The following AP1G1 variants were observed in gnomAD, a reference collection of about 807,000 sequenced individuals.
AP1G1 encodes adaptor related protein complex 1 subunit gamma 1, also known as AP-1 complex subunit gamma-1.
In AP1G1, 7 loss-of-function variants were observed where a neutral mutation model predicts 108.3. The ratio of observed to expected loss-of-function variants is 0.06; its 90% CI spans 0.04 to 0.12. AP1G1 has a LOEUF of 0.12. Among genes scored for constraint, AP1G1 ranks in the 10% least tolerant of loss-of-function variants. The probability of loss-of-function intolerance (pLI) is 1.00; values close to 1 mark genes in which losing one functional copy is unlikely to be tolerated. For missense variants in AP1G1, 756 were observed against 1,010.7 expected (o/e 0.75, Z 3.42); for synonymous variants, 379 against 353.5 (o/e 1.07, Z -0.81).
chr16:71,732,449 T>C lies in AP1G1; in HGVS notation c.*609A>G, dbSNP rs2045483649. The C allele has an allele frequency of 6.6e-6, 1 of 152,596 alleles. No homozygotes were observed. The highest frequency in any genetic ancestry group is 6.5e-5 in the Admixed American group (1 of 15,308). The allele number at this position is 152,596 out of a possible 1,614,324, so 9.5% of individuals were successfully genotyped here. The stretch of plus-strand genomic sequence containing the variant: ...TTGGTAACAAACATACATGTGTGTG[T>C]CTGTGTGTATACAGCAATGCACAGA... On this transcript the variant is annotated 3_prime_UTR_variant, in exon 23 of 23. Coordinates refer to ENST00000299980, the MANE Select transcript of AP1G1 (RefSeq NM_001128.6).
rs2145535604 is a variant in AP1G1, at chr16:71,793,299, C to A, written c.-3-3817G>T. Among the ~76,000 whole-genome samples the A allele has an allele frequency of 2.6e-5, 4 of 152,258 alleles. No homozygotes were observed. In the South Asian group the frequency reaches 8.3e-4, roughly 32 times the overall value. On this transcript the variant is annotated intron_variant, in intron 1 of 22. Coordinates refer to ENST00000299980, the MANE Select transcript of AP1G1 (RefSeq NM_001128.6). ...ATCCAAAAACACATTTTTATTATCT[C>A]AAGCAGCCAATATAGAGAGTGACAC... is the stretch of plus-strand genomic sequence containing the variant.
chr16:71,774,731 T>G, intron 2 of AP1G1, 139 bp from the exon 3 acceptor site: 2 of 970,830 alleles, frequency 2.1e-6, no homozygotes, highest in Middle Eastern at 6.0e-4. Context: ...AATCTTTTCT[T>G]TTTTTTGAGA....
chr16:71,746,688 T>C lies in AP1G1; in HGVS notation c.1630A>G (p.Ile544Val). Residue 544 changes from isoleucine (I) to valine (V), a missense_variant, in exon 17 of 23, where the codon ATT (isoleucine) becomes GTT (valine). This residue lies in a region of AP1G1 where 357 missense variants were observed against 366.5 expected (regional missense o/e 0.97). Coordinates refer to ENST00000299980, the MANE Select transcript of AP1G1 (RefSeq NM_001128.6). Reference protein sequence around the residue: ...STRFTCTVNRIKKVVSIYGSS... With the variant: ...STRFTCTVNRVKKVVSIYGSS... ...CCGTAGATGGAAACCACTTTCTTAA[T>C]TCGGCTATAGATAAAATGACAAACG... 1 of 1,609,336 alleles carries C rather than the reference T, an allele frequency of 6.2e-7. No homozygotes were observed. Among genetic ancestry groups the C allele is most frequent in the Non-Finnish European group, 8.5e-7 (1 of 1,177,242 alleles).
At chr16:71,781,580 A>G (rs1394437729) in intron 2 of AP1G1, among the ~76,000 whole-genome samples, 1 of 152,172 alleles carries the variant, frequency 6.6e-6, no homozygotes, top group Non-Finnish European at 1.5e-5. Flanking sequence ...GGTGGTTTTA[A>G]ATGTTTTAAA....
intron 1 of AP1G1, among the ~76,000 whole-genome samples, chr16:71,802,971 T>C (rs1567666759): frequency 6.6e-6 from 1 of 152,054 alleles, no homozygotes; most frequent in African/African-American, 2.4e-5. Flanking sequence ...TCCCAGCACT[T>C]TGGGAGGCTG....
chr16:71,794,749 T>C (rs1185455957), intron 1 of AP1G1, among the ~76,000 whole-genome samples: 2 of 150,786 alleles, frequency 1.3e-5, no homozygotes. Context: ...ATGGTGAAGA[T>C]GGCTATTTTC....
chr16:71,760,969 C>G (rs2031057964), intron 10 of AP1G1, among the ~76,000 whole-genome samples: 1 of 152,122 alleles, frequency 6.6e-6, no homozygotes, highest in African/African-American at 2.4e-5. Context: ...AATTCATTTA[C>G]CTAAAAAACT....
intron 16 of AP1G1, 63 bp from the exon 17 acceptor site, chr16:71,746,755 A>T (rs963949473): frequency 7.6e-5 from 96 of 1,257,978 alleles, no homozygotes; most frequent in Non-Finnish European, 9.9e-5. Flanking sequence ...AAGCAGAGAT[A>T]ATGTTTAATA....
chr16:71,784,386 C>G (rs913253493), intron 2 of AP1G1, among the ~76,000 whole-genome samples: 1 of 152,168 alleles, frequency 6.6e-6, no homozygotes, highest in East Asian at 1.9e-4. Flanking sequence ...TGAGAGGTGA[C>G]TGTCTCTTTT....
chr16:71,794,834 G>GCTTTT (rs1278820548), intron 1 of AP1G1, among the ~76,000 whole-genome samples: 10 of 30,380 alleles, frequency 3.3e-4, no homozygotes, highest in African/African-American at 1.6e-3. Context: ...CATGAGAAGT[G>GCTTTT]CTTTTTTTTT....
chr16:71,745,444 C>A, intron 18 of AP1G1, 29 bp downstream of exon 18: 1 of 1,613,790 alleles, frequency 6.2e-7, no homozygotes, highest in Non-Finnish European at 8.5e-7. Context: ...CGTAAGAAGC[C>A]CCAGATGAGC....
chr16:71,806,741 A>C (rs888024380), intron 1 of AP1G1: 2 of 1,286,078 alleles, frequency 1.6e-6, no homozygotes, highest in African/African-American at 3.0e-5. Context: ...TTAAACCAAA[A>C]GAGAAAATTC....
intron 9 of AP1G1, among the ~76,000 whole-genome samples, chr16:71,763,816 C>T (rs1489777416): frequency 6.6e-6 from 1 of 152,038 alleles, no homozygotes; most frequent in East Asian, 1.9e-4. Context: ...ATAGAATGAA[C>T]AAATTCATGA....
intron 1 of AP1G1, among the ~76,000 whole-genome samples, chr16:71,802,742 C>T (rs958176251): frequency 2.0e-5 from 3 of 148,946 alleles, no homozygotes; most frequent in African/African-American, 4.9e-5. Flanking sequence ...AAAAAAAATT[C>T]GTACAGCCAG....
chr16:71,753,826 T>C lies in AP1G1; in HGVS notation c.1284+7A>G. The C allele has an allele frequency of 6.2e-7, 1 of 1,613,254 alleles. No individual in the cohort carries two copies. Among genetic ancestry groups the C allele is most frequent in the East Asian group, 2.2e-5 (1 of 44,886 alleles). On this transcript the variant is annotated splice_region_variant and intron_variant, in intron 13 of 22. Coordinates refer to ENST00000299980, the MANE Select transcript of AP1G1 (RefSeq NM_001128.6). Reference sequence around the variant, plus strand: ...TTCGTATATGCTGTCTGAAAGAAGCTACTTACCGTTGTCAAAACACGCATA... The same window carrying C: ...TTCGTATATGCTGTCTGAAAGAAGCCACTTACCGTTGTCAAAACACGCATA...
At position 71,785,407 on chromosome 16, in the gene AP1G1, C is replaced by G. The variant is rs942588917; in HGVS notation, c.201+3872G>C. Among the ~76,000 whole-genome samples the G allele has an allele frequency of 7.9e-5, 12 of 151,572 alleles. No homozygotes were observed. In the East Asian group the frequency reaches 2.1e-3, roughly 27 times the overall value. On this transcript the variant is annotated intron_variant, in intron 2 of 22. Transcript: ENST00000299980. ...TCTGGACAACATGGTGAAACCCTGT[C>G]TCTACCAAAAATACAAAAATTAGCC...
intron 9 of AP1G1, among the ~76,000 whole-genome samples, 182 bp downstream of exon 9, chr16:71,764,164 TAATC>T (rs1485008270): frequency 6.6e-6 from 1 of 152,208 alleles, no homozygotes; most frequent in African/African-American, 2.4e-5. Flanking sequence ...AAGTTTATTA[TAATC>T]AATGTTAAGC....
intron 1 of AP1G1, among the ~76,000 whole-genome samples, chr16:71,797,518 T>C (rs552971820): frequency 7.9e-5 from 12 of 151,992 alleles, no homozygotes; most frequent in Admixed American, 6.6e-4. Context: ...TTACTTAATA[T>C]AGCCGGAGAC....
rs1597100098 is a variant in AP1G1 at position 71,808,753 on chromosome 16, T to C, written c.-4+10A>G. The C allele has an allele frequency of 1.6e-6, 2 of 1,288,342 alleles. No homozygotes were observed. Among genetic ancestry groups the C allele is most frequent in the East Asian group, 1.1e-4 (2 of 17,950 alleles). 79.8% of individuals were successfully genotyped at this position (1,288,342 alleles called of 1,614,324 possible). A position where few individuals can be genotyped will look rare whatever the true frequency, so the allele number is the denominator to read the frequency against. On this transcript the variant is annotated intron_variant, in intron 1 of 22. Coordinates refer to ENST00000299980, the MANE Select transcript of AP1G1 (RefSeq NM_001128.6). ...AGCAATATGCTCTCAGCGCCGGGAG[T>C]GACACTCACCGGCCCGAAACCTCGA...
Sources: gnomAD v4.1 joint callset for allele counts (sites outside exome capture counted in the v4.1 genomes callset) on GRCh38, gnomAD v4.1.1 for gene constraint, gnomAD v4.1.1 regional missense constraint, MANE v1.5 for transcripts, NCBI Gene and HGNC (gene_info 2026-07-23, HGNC 2026-07-21) for gene names.